Variants in TNS3 observed in about 807,000 individuals in gnomAD.
The protein encoded by TNS3 is tensin 3, also known as tensin-3.
A neutral mutation model predicts 140.9 loss-of-function variants in TNS3; 45 were observed. The ratio of observed to expected loss-of-function variants is 0.32; its 90% confidence interval spans 0.25 to 0.41. TNS3 has a LOEUF of 0.41. Ranked by LOEUF, TNS3 falls within the 10% of genes least tolerant of loss-of-function variation. The probability of loss-of-function intolerance (pLI) is 1.00; values close to 1 mark genes in which losing one functional copy is unlikely to be tolerated. For synonymous variants in TNS3, 815 were observed against 788.4 expected, an observed-to-expected ratio of 1.03 and a Z score of -0.56; for missense variants, 1,716 against 1,906.7, an observed-to-expected ratio of 0.90 and a Z score of 1.86.
chr7:47,516,314 G>A (rs1212796910), intron 2 of TNS3, among the ~76,000 whole-genome samples: 1 of 152,122 alleles, frequency 6.6e-6, no homozygotes, highest in Non-Finnish European at 1.5e-5. Context: ...GCTTCCTGTG[G>A]AGCAGCCCAT....
At position 47,346,452 on chromosome 7, in the gene TNS3, T is replaced by C. The variant is rs187502206; in HGVS notation, c.2282-96A>G. 4.9e-3 allele frequency: 7,054 copies of C among 1,442,700 alleles called. 24 individuals carry two copies. Among genetic ancestry groups the C allele is most frequent in the Non-Finnish European group, 5.8e-3 (6,116 of 1,057,050 alleles). 89.4% of individuals were successfully genotyped at this position (1,442,700 alleles called of 1,614,324 possible). On this transcript the variant is annotated intron_variant, in intron 17 of 30. Transcript: ENST00000311160. Reference sequence around the variant, plus strand: ...CTTGCCTGCTGCTTCTCAAAGGTGCTGTATGCTGCATCCTGGTCACCACTG... The same window carrying C: ...CTTGCCTGCTGCTTCTCAAAGGTGCCGTATGCTGCATCCTGGTCACCACTG...
At chr7:47,385,840 A>G (rs1792043041) in intron 16 of TNS3, among the ~76,000 whole-genome samples, 1 of 152,148 alleles carries the variant, frequency 6.6e-6, no homozygotes, top group Non-Finnish European at 1.5e-5. Context: ...ACTCACTGCT[A>G]CGAGTTCAGG....
At chr7:47,349,438 A>C (rs1264487426) in intron 17 of TNS3, among the ~76,000 whole-genome samples, 2 of 152,164 alleles carry the variant, frequency 1.3e-5, no homozygotes, top group African/African-American at 4.8e-5. Flanking sequence ...TCCACAATGG[A>C]GGGAACTCAG....
intron 5 of TNS3, among the ~76,000 whole-genome samples, chr7:47,440,748 G>A (rs1168063081): frequency 6.6e-6 from 1 of 152,158 alleles, no homozygotes; most frequent in African/African-American, 2.4e-5. Context: ...GAACCCAATC[G>A]GTGCCCCCAT....
chr7:47,541,684 C>CA (rs1799792250), intron 1 of TNS3, among the ~76,000 whole-genome samples: 1 of 152,146 alleles, frequency 6.6e-6, no homozygotes, highest in Non-Finnish European at 1.5e-5. Context: ...CGCAGTGACT[C>CA]ACGCCTGTAA....
chr7:47,434,795 G>A (rs1458982991), intron 8 of TNS3, among the ~76,000 whole-genome samples: 1 of 152,178 alleles, frequency 6.6e-6, no homozygotes, highest in Non-Finnish European at 1.5e-5. Context: ...AAGATGTACA[G>A]GCCATGTCTG....
At chr7:47,423,463 T>C (rs1205527430) in intron 10 of TNS3, among the ~76,000 whole-genome samples, 3 of 152,186 alleles carry the variant, frequency 2.0e-5, no homozygotes, top group African/African-American at 4.8e-5. Flanking sequence ...ACCATGACTA[T>C]TCCCCATCAC....
Position 47,400,379 on chromosome 7 carries a change from A to T in TNS3, c.919+14T>A. 1 of 1,613,662 alleles carries T rather than the reference A, an allele frequency of 6.2e-7. No individual in the cohort carries two copies. Among genetic ancestry groups the T allele is most frequent in the South Asian group, 1.1e-5 (1 of 91,042 alleles). ...GTCAGCAAGGACCACCCAGTATTCC[A>T]CCAAGCTACCCACCTTGAATCTTCT... is the stretch of plus-strand genomic sequence containing the variant. On this transcript the variant is annotated intron_variant, in intron 15 of 30. Coordinates refer to ENST00000311160, the MANE Select transcript of TNS3 (RefSeq NM_022748.12).
chr7:47,513,312 G>A (rs970583666), intron 2 of TNS3, among the ~76,000 whole-genome samples: 3 of 152,064 alleles, frequency 2.0e-5, no homozygotes, highest in African/African-American at 7.2e-5. Context: ...TGGGACCATT[G>A]GCGCGTGCCA....
In TNS3 at chr7:47,369,480, A is replaced by C. The variant is rs756117323; in HGVS notation, c.1166T>G (p.Val389Gly). Residue 389 changes from valine (V) to glycine (G), a missense_variant, in exon 17 of 31, where the codon GTC (valine) becomes GGC (glycine). Physicochemically the swap from Val to Gly is moderately radical, Grantham distance 109 (BLOSUM62 -3). Around this residue, in one of 3 missense-constraint regions of TNS3, gnomAD observed 1,163 missense variants for 1,182.1 expected, o/e 0.98. Transcript: ENST00000311160. Reference sequence around the variant, plus strand: ...TGTAGAGTGGCCGGAGTCACTGCTGACAGACAAGGTGTGGTCACTGTGGTC... The same window carrying C: ...TGTAGAGTGGCCGGAGTCACTGCTGCCAGACAAGGTGTGGTCACTGTGGTC... ...SPDHSDHTLS[V>G]SSDSGHSTAS... 1 of 1,614,082 alleles carries C rather than the reference A, an allele frequency of 6.2e-7. No individual in the cohort carries two copies. The highest frequency in any genetic ancestry group is 8.5e-7 in the Non-Finnish European group (1 of 1,180,018).
intron 17 of TNS3, 51 bp from the exon 18 acceptor site, chr7:47,346,407 G>A (rs1789347220): frequency 1.9e-6 from 3 of 1,601,018 alleles, no homozygotes; most frequent in Middle Eastern, 2.0e-4. Flanking sequence ...AAGGCGGAGT[G>A]AGGCGCCCCT....
At chr7:47,579,924 C>T in intron 1 of TNS3, 3 of 746,322 alleles carry the variant, frequency 4.0e-6, no homozygotes, top group Non-Finnish European at 4.9e-6. Context: ...CTTTGACACC[C>T]CCTCTCCTGC....
rs765294142 is a variant in TNS3, at chr7:47,304,997, C to T, written c.2657G>A (p.Arg886Gln). The change falls in exon 21 of 31, where the codon CGA becomes CAA. Residue 886 changes from arginine to glutamine, a missense_variant. Transcript: ENST00000311160. ...GTGAGTGAGCGTCTCAGGGCAGCTT[C>T]GTGGTTCTGTAGCGGGAACACAGGA... ...ASQHKGGREP[R>Q]SCPETLTHAV... 15 of 1,350,384 alleles carry T rather than the reference C, an allele frequency of 1.1e-5. No homozygotes were observed. The highest frequency in any genetic ancestry group is 9.3e-5 in the South Asian group (4 of 43,182). 83.7% of individuals were successfully genotyped at this position (1,350,384 alleles called of 1,614,324 possible).
At chr7:47,316,951 C>T (rs758711904) in intron 20 of TNS3, among the ~76,000 whole-genome samples, 2 of 152,050 alleles carry the variant, frequency 1.3e-5, no homozygotes, top group Non-Finnish European at 2.9e-5. Flanking sequence ...TCATGGTTTC[C>T]GATGAGAATC....
chr7:47,390,945 C>A (rs981668778), intron 16 of TNS3, among the ~76,000 whole-genome samples: 23 of 152,166 alleles, frequency 1.5e-4, no homozygotes, highest in African/African-American at 5.6e-4. Context: ...TCTTTGTTAT[C>A]TTTCTGTATC....
chr7:47,538,131 A>T lies in TNS3; in HGVS notation c.-264-8984T>A, dbSNP rs563925053. ...GATGGGAGAAGATGGACAAGCCAGG[A>T]TCCTGAAGAAAGGGTCACTTAGAAA... On this transcript the variant is annotated intron_variant, in intron 1 of 30. Coordinates refer to ENST00000311160, the MANE Select transcript of TNS3 (RefSeq NM_022748.12). 5.3e-5 allele frequency among the ~76,000 whole-genome samples: 8 copies of T among 152,308 alleles called. No homozygotes were observed. The South Asian group carries it at 1.0e-3, about 20-fold the overall frequency.
chr7:47,411,367 A>G (rs1793756576), intron 13 of TNS3, among the ~76,000 whole-genome samples: 1 of 152,234 alleles, frequency 6.6e-6, no homozygotes. Flanking sequence ...TTTCAGGATG[A>G]AACTGTTCCA....
chr7:47,410,354 T>C (rs1284679723), intron 13 of TNS3, among the ~76,000 whole-genome samples: 3 of 152,240 alleles, frequency 2.0e-5, no homozygotes, highest in African/African-American at 7.2e-5. Flanking sequence ...CTCAGCTTTC[T>C]TGCCTATGAA....
chr7:47,495,601 T>C (rs1452473082), intron 3 of TNS3, among the ~76,000 whole-genome samples: 2 of 151,990 alleles, frequency 1.3e-5, no homozygotes, highest in African/African-American at 2.4e-5. Context: ...GAACGGGCCA[T>C]AGAGAGGTCT....
Sources: allele counts gnomAD v4.1 joint callset (sites outside exome capture counted in the v4.1 genomes callset), GRCh38; gene constraint gnomAD v4.1.1; regional missense constraint gnomAD v4.1.1; transcripts MANE v1.5; gene names NCBI Gene and HGNC (gene_info 2026-07-23, HGNC 2026-07-21).